The following RASGRP4 variants were observed in gnomAD, a reference collection of about 807,000 sequenced individuals.
RASGRP4 encodes RAS guanyl releasing protein 4.
A neutral mutation model predicts 84.4 loss-of-function variants in RASGRP4; 52 were observed. That is an observed-to-expected ratio of 0.62 (90% CI 0.49 to 0.78). RASGRP4 has a LOEUF of 0.78. Among genes scored for constraint, RASGRP4 ranks in the 30% least tolerant of loss-of-function variants. The pLI is 0.00. For missense variants in RASGRP4, 760 were observed against 886.9 expected (o/e 0.86, Z 1.82); for synonymous variants, 356 against 359.1 (o/e 0.99, Z 0.10).
At chr19:38,420,089 T>A (rs768250657) in intron 5 of RASGRP4, 42 bp downstream of exon 5, 1 of 1,607,312 alleles carries the variant, frequency 6.2e-7, no homozygotes. Context: ...GATGGCAGAA[T>A]GGCGATGGGG....
chr19:38,413,755 G>T lies in RASGRP4; in HGVS notation c.1231-281C>A, dbSNP rs1600552426. Among the ~76,000 whole-genome samples, 1 of 152,242 alleles carries T rather than the reference G, an allele frequency of 6.6e-6. No individual in the cohort carries two copies. The highest frequency in any genetic ancestry group is 1.9e-4 in the East Asian group (1 of 5,184). ...TTAGTAGCCTTTTGCTTAGATTCTT[G>T]GATATGTCAAAGCTTGAGATTTTGG... On this transcript the variant is annotated intron_variant, in intron 9 of 16. Coordinates refer to ENST00000615439, the MANE Select transcript of RASGRP4 (RefSeq NM_170604.3). The surrounding 1 kb of genome is among the most constrained non-coding windows in gnomAD (Gnocchi z 4.7).
chr19:38,424,698 G>A (rs1172190293), intron 1 of RASGRP4, among the ~76,000 whole-genome samples: 1 of 151,834 alleles, frequency 6.6e-6, no homozygotes, highest in African/African-American at 2.4e-5. Flanking sequence ...CTCCCAAAGT[G>A]CTGGGATTAG....
At chr19:38,411,314 C>T in intron 14 of RASGRP4, 31 bp downstream of exon 14, 1 of 1,609,936 alleles carries the variant, frequency 6.2e-7, no homozygotes, top group Non-Finnish European at 8.5e-7. Flanking sequence ...CGGGCCAAGG[C>T]TTCCCTCCCA....
chr19:38,416,414 G>A (rs924986922), intron 8 of RASGRP4, among the ~76,000 whole-genome samples: 1 of 138,378 alleles, frequency 7.2e-6, no homozygotes, highest in Non-Finnish European at 1.5e-5. Flanking sequence ...AGTGAGCCGA[G>A]ATTGCACCAC....
Position 38,419,887 on chromosome 19 carries a change from C to A in RASGRP4, c.636G>T (p.Leu212=). ...TGATAGCCTGGAAGGACCGGAACTC[C>A]AGGTAGGTGAGGTGCTGAGCCAGCT... is the stretch of plus-strand genomic sequence containing the variant. The part of the protein sequence containing the change: ...TGELAQHLTY[L]EFRSFQAITP... Residue 212 remains leucine, a synonymous_variant, in exon 6 of 17, where the codon CTG becomes CTT. Transcript: ENST00000615439. The A allele has an allele frequency of 6.2e-7, 1 of 1,606,256 alleles. No homozygotes were observed. The highest frequency in any genetic ancestry group is 8.5e-7 in the Non-Finnish European group (1 of 1,176,422).
intron 8 of RASGRP4, 99 bp downstream of exon 8, chr19:38,416,953 C>T (rs1428146669): frequency 1.4e-6 from 1 of 734,554 alleles, no homozygotes; most frequent in Non-Finnish European, 2.4e-6. Context: ...CATGTGGTAC[C>T]AGGACCCCTG....
At position 38,413,312 on chromosome 19, in the gene RASGRP4, G is replaced by A; in HGVS notation, c.1312-15C>T. 6.2e-7 allele frequency: 1 copy of A among 1,610,264 alleles called. No individual in the cohort carries two copies. Among genetic ancestry groups the A allele is most frequent in the Non-Finnish European group, 8.5e-7 (1 of 1,176,748 alleles). ...GGGGAGGGTGGCTGGGGCGGGGACA[G>A]AGGAGCACAGTTAGTCACTGCATAG... On this transcript the variant is annotated splice_polypyrimidine_tract_variant and intron_variant, in intron 10 of 16. Transcript: ENST00000615439. The surrounding 1 kb of genome is among the most constrained non-coding windows in gnomAD (Gnocchi z 4.7).
At position 38,413,144 on chromosome 19, in the gene RASGRP4, A is replaced by C; in HGVS notation, c.1416+49T>G. On this transcript the variant is annotated intron_variant, in intron 11 of 16. Transcript: ENST00000615439. This position sits in a 1 kb window ranked among gnomAD's most constrained non-coding sequence, Gnocchi z 4.7. ...CACCTCCAGGCTCAGGGTTCTACAG[A>C]TGTCTTCCCTCCTGGCTGCTGGCGG... 1.3e-6 allele frequency: 2 copies of C among 1,586,958 alleles called. No homozygotes were observed. Among genetic ancestry groups the C allele is most frequent in the Non-Finnish European group, 1.7e-6 (2 of 1,156,084 alleles).
Position 38,422,102 on chromosome 19 carries a change from G to A in RASGRP4, c.75C>T (p.Arg25=). 4 of 1,613,300 alleles carry A rather than the reference G, an allele frequency of 2.5e-6. No individual in the cohort carries two copies. The highest frequency in any genetic ancestry group is 3.4e-6 in the Non-Finnish European group (4 of 1,179,734). ...TGKIGGRGRP[R]QVRRHKTCPS... ...GGCATGTCTTGTGGCGGCGCACTTGGCGGGGCCGGCCTCGCCCTCCTATTT... is the reference window on the plus strand; with the variant it reads ...GGCATGTCTTGTGGCGGCGCACTTGACGGGGCCGGCCTCGCCCTCCTATTT... The change falls in exon 2 of 17, where the codon CGC becomes CGT. Residue 25 remains arginine (R), a synonymous_variant. Coordinates refer to ENST00000615439, the MANE Select transcript of RASGRP4 (RefSeq NM_170604.3).
intron 1 of RASGRP4, among the ~76,000 whole-genome samples, chr19:38,423,203 CCCTCCTT>C (rs1165573557): frequency 6.6e-6 from 1 of 152,180 alleles, no homozygotes; most frequent in Non-Finnish European, 1.5e-5. Context: ...TAACACCCTC[CCCTCCTT>C]CCTCCCACAG....
intron 13 of RASGRP4, chr19:38,411,609 C>T (rs765982622): frequency 7.5e-6 from 4 of 535,294 alleles, no homozygotes; most frequent in Middle Eastern, 4.8e-4. Context: ...GTGGGAGGAT[C>T]GCTTGAGCTC....
chr19:38,420,093 G>T, intron 5 of RASGRP4, 38 bp downstream of exon 5: 1 of 1,607,808 alleles, frequency 6.2e-7, no homozygotes, highest in Non-Finnish European at 8.5e-7. Flanking sequence ...GCAGAATGGC[G>T]ATGGGGCAGG....
Position 38,420,203 on chromosome 19 carries a change from A to C in RASGRP4, c.437T>G (p.Ile146Arg). 1 of 1,613,212 alleles carries C rather than the reference A, an allele frequency of 6.2e-7. No individual in the cohort carries two copies. Among genetic ancestry groups the C allele is most frequent in the South Asian group, 1.1e-5 (1 of 90,918 alleles). Residue 146 changes from isoleucine to arginine, a missense_variant, in exon 5 of 17, where the codon ATA (isoleucine) becomes AGA (arginine). Physicochemically the swap from Ile to Arg is moderately conservative, Grantham distance 97. Transcript: ENST00000615439. ...MHQDPQLEEVIGRFWATVARE... is the reference protein window; with the variant it reads ...MHQDPQLEEVRGRFWATVARE... Reference sequence around the variant, plus strand: ...GGCCACGGTGGCCCAGAAACGACCTATGACTTCTTCTAGCTGGGGATCCTG... The same window carrying C: ...GGCCACGGTGGCCCAGAAACGACCTCTGACTTCTTCTAGCTGGGGATCCTG...
In RASGRP4 at chr19:38,413,394, C is replaced by T. The variant is rs1971360876; in HGVS notation, c.1311G>A (p.Leu437=). 1.2e-6 allele frequency: 2 copies of T among 1,609,460 alleles called. No individual in the cohort carries two copies. Among genetic ancestry groups the T allele is most frequent in the East Asian group, 4.5e-5 (2 of 44,714 alleles). The change falls in exon 10 of 17, where the codon CTG becomes CTA. Residue 437 remains leucine, a splice_region_variant and synonymous_variant. Transcript: ENST00000615439. The surrounding 1 kb of genome is among the most constrained non-coding windows in gnomAD (Gnocchi z 4.7). ...YAREPRCPKS[L]PPSPFNAPLV... ...TCCGAGGCCAGGGGTTGGGTCTCAC[C>T]AGGCTCTTGGGACAACGCGGCTCCC...
Position 38,413,294 on chromosome 19 carries a change from G to A in RASGRP4, c.1315C>T (p.Pro439Ser). The A allele has an allele frequency of 6.2e-7, 1 of 1,613,450 alleles. No individual in the cohort carries two copies. Among genetic ancestry groups the A allele is most frequent in the Non-Finnish European group, 8.5e-7 (1 of 1,179,554 alleles). Residue 439 changes from proline to serine, a missense_variant, in exon 11 of 17, where the codon CCC becomes TCC. Coordinates refer to ENST00000615439, the MANE Select transcript of RASGRP4 (RefSeq NM_170604.3). This position sits in a 1 kb window ranked among gnomAD's most constrained non-coding sequence, Gnocchi z 4.7. ...ACCAGAGGTGCATTGAAGGGGGAGGGTGGCTGGGGCGGGGACAGAGGAGCA... is the reference window on the plus strand; with the variant it reads ...ACCAGAGGTGCATTGAAGGGGGAGGATGGCTGGGGCGGGGACAGAGGAGCA... ...REPRCPKSLP[P>S]SPFNAPLVVE...
At chr19:38,425,722 AG>A (rs1199454360) in intron 1 of RASGRP4, among the ~76,000 whole-genome samples, 1 of 152,162 alleles carries the variant, frequency 6.6e-6, no homozygotes, top group African/African-American at 2.4e-5. Context: ...CTCCTGGGCC[AG>A]GCCCTGCAGG....
chr19:38,421,888 C>T, intron 2 of RASGRP4, 81 bp downstream of exon 2: 2 of 1,250,818 alleles, frequency 1.6e-6, no homozygotes, highest in Non-Finnish European at 1.1e-6. Context: ...TCTCATTTTA[C>T]CTCCAAAAAC....
chr19:38,423,989 A>T (rs1971876716), intron 1 of RASGRP4, among the ~76,000 whole-genome samples: 1 of 152,208 alleles, frequency 6.6e-6, no homozygotes, highest in African/African-American at 2.4e-5. Flanking sequence ...GCTTCAGACG[A>T]AAGTAGAATC....
intron 1 of RASGRP4, among the ~76,000 whole-genome samples, chr19:38,424,113 TTTTC>T (rs890671598): frequency 2.6e-5 from 4 of 151,926 alleles, no homozygotes; most frequent in East Asian, 3.9e-4. Context: ...GGGATTTCTT[TTTTC>T]TTTCTTTCTT....
Sources: allele counts gnomAD v4.1 joint callset (sites outside exome capture counted in the v4.1 genomes callset), GRCh38; gene constraint gnomAD v4.1.1; non-coding constraint Gnocchi (gnomAD v3.1); transcripts MANE v1.5; gene names NCBI Gene and HGNC (gene_info 2026-07-23, HGNC 2026-07-21).